Variants in C12orf56 observed in about 807,000 individuals in gnomAD.
C12orf56 encodes chromosome 12 open reading frame 56.
Under a neutral mutation model 69.9 loss-of-function variants are expected in C12orf56, and 71 were observed. That is an observed-to-expected ratio of 1.02 (90% CI 0.84 to 1.24). The LOEUF (loss-of-function observed/expected upper bound fraction) is 1.24. Among genes scored for constraint, C12orf56 ranks in the 50% most tolerant of loss-of-function variants. The probability of loss-of-function intolerance (pLI) is 0.00; values close to 1 mark genes in which losing one functional copy is unlikely to be tolerated. For missense variants in C12orf56, 732 were observed against 738.5 expected (o/e 0.99, Z 0.10); for synonymous variants, 276 against 274.1 (o/e 1.01, Z -0.07).
chr12:64,341,470 A>G (rs2136884822), intron 2 of C12orf56, among the ~76,000 whole-genome samples: 1 of 152,256 alleles, frequency 6.6e-6, no homozygotes, highest in Admixed American at 6.5e-5. Flanking sequence ...CCATCCCACC[A>G]TTCTATCAAT....
intron 8 of C12orf56, among the ~76,000 whole-genome samples, chr12:64,282,999 G>T (rs1376640782): frequency 2.0e-5 from 3 of 151,670 alleles, no homozygotes; most frequent in Non-Finnish European, 2.9e-5. Flanking sequence ...AAAATTAACC[G>T]GGCATGGTGG....
chr12:64,307,518 C>T (rs773169640), intron 5 of C12orf56, among the ~76,000 whole-genome samples: 13 of 151,816 alleles, frequency 8.6e-5, no homozygotes, highest in Non-Finnish European at 1.8e-4. Context: ...TACAGGCACA[C>T]ACCACCATGC....
At chr12:64,371,915 T>C (rs979126403) in intron 1 of C12orf56, among the ~76,000 whole-genome samples, 12 of 151,236 alleles carry the variant, frequency 7.9e-5, no homozygotes, top group African/African-American at 2.9e-4. Flanking sequence ...TTTTTTTTTT[T>C]TTTTTTTTTG....
At chr12:64,327,588 G>A (rs1370064958) in intron 3 of C12orf56, among the ~76,000 whole-genome samples, 1 of 152,160 alleles carries the variant, frequency 6.6e-6, no homozygotes, top group African/African-American at 2.4e-5. Context: ...ACAATGTGTG[G>A]CCCCATTCTG....
intron 4 of C12orf56, among the ~76,000 whole-genome samples, chr12:64,316,568 A>C (rs1481572593): frequency 6.6e-6 from 1 of 152,078 alleles, no homozygotes; most frequent in Non-Finnish European, 1.5e-5. Flanking sequence ...CGTTATTTTC[A>C]ATGATAGTGT....
chr12:64,362,363 G>A (rs1288807229), intron 1 of C12orf56, among the ~76,000 whole-genome samples: 1 of 152,174 alleles, frequency 6.6e-6, no homozygotes, highest in East Asian at 1.9e-4. Context: ...AATTCAGGGT[G>A]AGTCCACACT....
At position 64,265,061 on chromosome 12, in the gene C12orf56, A is replaced by G. The variant is rs1396645442; in HGVS notation, c.*2122T>C. The G allele has an allele frequency of 2.0e-5, 3 of 152,268 alleles. No individual in the cohort carries two copies. The highest frequency in any genetic ancestry group is 6.5e-5 in the Admixed American group (1 of 15,276). The allele number at this position is 152,268 out of a possible 1,614,324, so 9.4% of individuals were successfully genotyped here. A position where few individuals can be genotyped will look rare whatever the true frequency, so the allele number is the denominator to read the frequency against. ...CTAGAGCCTGCATGACTACTAGCCCAGATCCAGGGCACTGCGGAGAAGCTA... is the reference window on the plus strand; with the variant it reads ...CTAGAGCCTGCATGACTACTAGCCCGGATCCAGGGCACTGCGGAGAAGCTA... On this transcript the variant is annotated 3_prime_UTR_variant, in exon 13 of 13. Coordinates refer to ENST00000543942, the MANE Select transcript of C12orf56 (RefSeq NM_001170633.2).
chr12:64,346,980 A>ATT (rs71092960), intron 2 of C12orf56, among the ~76,000 whole-genome samples: 39,437 of 149,144 alleles, frequency 0.26, 5,618 homozygotes, highest in Admixed American at 0.36. Flanking sequence ...ATCTAGTTAC[A>ATT]TTTTTTTTTT....
chr12:64,357,816 G>A (rs545991088), intron 1 of C12orf56, among the ~76,000 whole-genome samples: 3 of 151,956 alleles, frequency 2.0e-5, no homozygotes, highest in East Asian at 1.9e-4. Flanking sequence ...CAGAAGAATC[G>A]CTTGAACCTG....
At chr12:64,307,004 G>T (rs10878143) in intron 5 of C12orf56, among the ~76,000 whole-genome samples, 15,531 of 152,138 alleles carry the variant, frequency 0.1, 999 homozygotes, top group Admixed American at 0.15. Flanking sequence ...AATTAACTTA[G>T]TAATAAATAT....
At chr12:64,315,025 A>C (rs1334296547) in intron 4 of C12orf56, among the ~76,000 whole-genome samples, 6 of 107,548 alleles carry the variant, frequency 5.6e-5, no homozygotes, top group African/African-American at 1.5e-4. Flanking sequence ...GATCTTGGCT[A>C]ACTGCAACCT....
chr12:64,265,805 A>G lies in C12orf56; in HGVS notation c.*1378T>C, dbSNP rs1421827550. The G allele has an allele frequency of 2.6e-5, 4 of 152,206 alleles. No individual in the cohort carries two copies. The highest frequency in any genetic ancestry group is 4.4e-5 in the Non-Finnish European group (3 of 68,030). The allele number at this position is 152,206 out of a possible 1,614,324, so 9.4% of individuals were successfully genotyped here. On this transcript the variant is annotated 3_prime_UTR_variant, in exon 13 of 13. Coordinates refer to ENST00000543942, the MANE Select transcript of C12orf56 (RefSeq NM_001170633.2). Reference sequence around the variant, plus strand: ...ATGTTCTTAGAAGTCCAAATTCAACACCTCACGGTGATGCCAAAGTTAAGT... The same window carrying G: ...ATGTTCTTAGAAGTCCAAATTCAACGCCTCACGGTGATGCCAAAGTTAAGT...
chr12:64,300,965 C>T (rs538849598), intron 6 of C12orf56, among the ~76,000 whole-genome samples: 2 of 152,266 alleles, frequency 1.3e-5, no homozygotes, highest in Non-Finnish European at 2.9e-5. Flanking sequence ...GCTGTTTTCA[C>T]GATGGTGAGG....
intron 1 of C12orf56, among the ~76,000 whole-genome samples, chr12:64,377,922 T>C (rs1374086867): frequency 6.6e-6 from 1 of 152,258 alleles, no homozygotes; most frequent in Non-Finnish European, 1.5e-5. Flanking sequence ...GCACTGACTC[T>C]GGAGCCAGAT....
chr12:64,342,032 T>G (rs11533680), intron 2 of C12orf56, among the ~76,000 whole-genome samples: 18,837 of 152,212 alleles, frequency 0.12, 1,323 homozygotes, highest in East Asian at 0.28. Context: ...CACTTGATTA[T>G]CAAAATCCTC....
At chr12:64,318,235 A>G (rs925084245) in intron 4 of C12orf56, among the ~76,000 whole-genome samples, 44 of 151,810 alleles carry the variant, frequency 2.9e-4, no homozygotes, top group African/African-American at 1.0e-3. Context: ...TAATTTTTGT[A>G]TTTTTTAGTA....
At chr12:64,268,235 G>A (rs2136737423) in intron 12 of C12orf56, among the ~76,000 whole-genome samples, 1 of 152,326 alleles carries the variant, frequency 6.6e-6, no homozygotes, top group East Asian at 1.9e-4. Flanking sequence ...GTAAGCAAGA[G>A]AGAGAGGAGA....
chr12:64,270,443 A>T (rs2037969620), intron 12 of C12orf56, 93 bp downstream of exon 12: 12 of 1,058,530 alleles, frequency 1.1e-5, no homozygotes, highest in Non-Finnish European at 1.2e-5. Context: ...ATAAATACCT[A>T]ATCTTCTAAA....
At position 64,265,068 on chromosome 12, in the gene C12orf56, G is replaced by A. The variant is rs1312337576; in HGVS notation, c.*2115C>T. On this transcript the variant is annotated 3_prime_UTR_variant, in exon 13 of 13. Transcript: ENST00000543942. ...CTGCATGACTACTAGCCCAGATCCA[G>A]GGCACTGCGGAGAAGCTAAGGCAGA... is the stretch of plus-strand genomic sequence containing the variant. 1 of 152,234 alleles carries A rather than the reference G, an allele frequency of 6.6e-6. No homozygotes were observed. Among genetic ancestry groups the A allele is most frequent in the East Asian group, 1.9e-4 (1 of 5,202 alleles). 9.4% of individuals were successfully genotyped at this position (152,234 alleles called of 1,614,324 possible). A position where few individuals can be genotyped will look rare whatever the true frequency, so the allele number is the denominator to read the frequency against.
Sources: allele counts gnomAD v4.1 joint callset (sites outside exome capture counted in the v4.1 genomes callset), GRCh38; gene constraint gnomAD v4.1.1; transcripts MANE v1.5; gene names NCBI Gene and HGNC (gene_info 2026-07-23, HGNC 2026-07-21).